Variants in CORO2B observed in about 807,000 individuals in gnomAD.
The protein encoded by CORO2B is coronin-2B.
A neutral mutation model predicts 58.8 loss-of-function variants in CORO2B; 26 were observed. The observed-to-expected ratio is 0.44, with a 90% CI of 0.32 to 0.61. The LOEUF is 0.61. Among genes scored for constraint, CORO2B ranks in the 20% least tolerant of loss-of-function variants. CORO2B has a pLI of 0.04. For synonymous variants in CORO2B, 242 were observed against 253.8 expected (o/e 0.95, Z 0.44); for missense variants, 460 against 645.1 (o/e 0.71, Z 3.11).
chr15:68,592,546 T>C (rs182273902), intron 1 of CORO2B, among the ~76,000 whole-genome samples: 26 of 152,312 alleles, frequency 1.7e-4, no homozygotes, highest in African/African-American at 6.0e-4. Context: ...ATTTGTGCAC[T>C]GTAGGCATGT....
rs189060322 is a variant in CORO2B, at chr15:68,582,309, G to C, written c.15+3032G>C. On this transcript the variant is annotated intron_variant, in intron 1 of 11. Coordinates refer to ENST00000261861, the MANE Select transcript of CORO2B (RefSeq NM_006091.5). ...GTAAGTTACCTTACTTTCTTTATAG[G>C]ATGAGAAAGAGAAGAAAGCCAGAAA... Among the ~76,000 whole-genome samples the C allele has an allele frequency of 2.1e-3, 319 of 152,264 alleles. 2 individuals carry two copies. Among genetic ancestry groups the C allele is most frequent in the African/African-American group, 7.2e-3 (301 of 41,546 alleles).
At chr15:68,562,898 AC>A in the CORO2B span, among the ~76,000 whole-genome samples, 1 of 150,080 alleles carries the variant, frequency 6.7e-6, no homozygotes, top group African/African-American at 2.5e-5. Flanking sequence ...AATGGCGTGA[AC>A]CCGGGAGGTG....
the CORO2B span, among the ~76,000 whole-genome samples, chr15:68,538,967 T>C: frequency 6.6e-6 from 1 of 152,264 alleles, no homozygotes; most frequent in Admixed American, 6.5e-5. Context: ...TTAATCCTTT[T>C]ACATTTTTAT....
chr15:68,654,895 C>T (rs1901755448), intron 2 of CORO2B, among the ~76,000 whole-genome samples: 1 of 152,186 alleles, frequency 6.6e-6, no homozygotes, highest in Non-Finnish European at 1.5e-5. Flanking sequence ...TGGCACAGTC[C>T]CTGAGTATGC....
At chr15:68,575,027 C>T (rs1899253814), upstream of CORO2B, among the ~76,000 whole-genome samples, 1 of 152,210 alleles carries the variant, frequency 6.6e-6, no homozygotes, top group Non-Finnish European at 1.5e-5. Flanking sequence ...CTGAGCTCAC[C>T]TGCAGCTTAG....
chr15:68,541,612 C>A, the CORO2B span, among the ~76,000 whole-genome samples: 1 of 152,122 alleles, frequency 6.6e-6, no homozygotes, highest in Admixed American at 6.5e-5. Context: ...GCTAATCATC[C>A]CCAGCTACTA....
the CORO2B span, among the ~76,000 whole-genome samples, chr15:68,553,688 A>C: frequency 2.0e-5 from 3 of 152,220 alleles, no homozygotes; most frequent in African/African-American, 7.2e-5. Context: ...AAGAACTGGG[A>C]GTGACTCCAG....
the CORO2B span, among the ~76,000 whole-genome samples, chr15:68,556,473 T>G: frequency 9.4e-4 from 143 of 152,258 alleles, 1 homozygote; most frequent in East Asian, 0.02. Context: ...ATAGAAAGAC[T>G]GCCACACTCG....
intron 1 of CORO2B, among the ~76,000 whole-genome samples, chr15:68,626,124 A>G (rs1179595483): frequency 6.6e-6 from 1 of 152,198 alleles, no homozygotes; most frequent in Non-Finnish European, 1.5e-5. Context: ...TCAAAAGTCA[A>G]AAAGACTCAC....
At chr15:68,715,648 A>C (rs1166953243) in intron 8 of CORO2B, among the ~76,000 whole-genome samples, 1 of 152,204 alleles carries the variant, frequency 6.6e-6, no homozygotes, top group Non-Finnish European at 1.5e-5. Context: ...AGTGGGGTCT[A>C]GGCACAAGTC....
At chr15:68,579,828 C>G (rs1416345777) in intron 1 of CORO2B, among the ~76,000 whole-genome samples, 2 of 152,208 alleles carry the variant, frequency 1.3e-5, no homozygotes, top group African/African-American at 4.8e-5. Flanking sequence ...AGGGCAGGTC[C>G]AGGTGGTTGG....
At chr15:68,592,748 T>C (rs1360726013) in intron 1 of CORO2B, among the ~76,000 whole-genome samples, 13 of 152,134 alleles carry the variant, frequency 8.5e-5, no homozygotes, top group Non-Finnish European at 1.9e-4. Flanking sequence ...ATGTACGGAA[T>C]GTACAGTATT....
At chr15:68,620,157 C>T (rs1172497769) in intron 1 of CORO2B, among the ~76,000 whole-genome samples, 6 of 152,128 alleles carry the variant, frequency 3.9e-5, no homozygotes, top group Non-Finnish European at 8.8e-5. Flanking sequence ...GATGATCCAC[C>T]CGCCTTGGCC....
At chr15:68,527,511 T>C in the CORO2B span, among the ~76,000 whole-genome samples, 1 of 152,228 alleles carries the variant, frequency 6.6e-6, no homozygotes, top group Non-Finnish European at 1.5e-5. Context: ...TTCTTTATTC[T>C]ATTCCATTGA....
intron 1 of CORO2B, among the ~76,000 whole-genome samples, chr15:68,641,826 C>T (rs1901245763): frequency 6.6e-6 from 1 of 152,222 alleles, no homozygotes; most frequent in Admixed American, 6.5e-5. Flanking sequence ...CAGGCTCAAG[C>T]CATCCTCCCA....
At chr15:68,602,359 G>A (rs1900005291) in intron 1 of CORO2B, among the ~76,000 whole-genome samples, 1 of 150,354 alleles carries the variant, frequency 6.7e-6, no homozygotes, top group Admixed American at 6.6e-5. Flanking sequence ...AGACAGGAAG[G>A]GTTTTGCCAT....
intron 3 of CORO2B, among the ~76,000 whole-genome samples, chr15:68,705,145 C>T (rs1567015321): frequency 6.6e-6 from 1 of 152,150 alleles, no homozygotes; most frequent in Non-Finnish European, 1.5e-5. Context: ...TATTCAATGT[C>T]AAAGCAGAAA....
At chr15:68,587,001 T>G (rs181191059) in intron 1 of CORO2B, among the ~76,000 whole-genome samples, 70 of 152,064 alleles carry the variant, frequency 4.6e-4, no homozygotes, top group African/African-American at 1.7e-3. Context: ...TTTCTTATTA[T>G]CTATATTGGG....
At chr15:68,537,111 T>G in the CORO2B span, among the ~76,000 whole-genome samples, 1 of 152,256 alleles carries the variant, frequency 6.6e-6, no homozygotes, top group Non-Finnish European at 1.5e-5. Flanking sequence ...CAAAGAACAA[T>G]AGGTGATTCT....
Sources: allele counts gnomAD v4.1 joint callset (sites outside exome capture counted in the v4.1 genomes callset), GRCh38; gene constraint gnomAD v4.1.1; transcripts MANE v1.5; gene names NCBI Gene and HGNC (gene_info 2026-07-23, HGNC 2026-07-21).